SHISA6: variants seen among roughly 807,000 people sequenced by gnomAD.
SHISA6 encodes shisa family member 6, also known as protein shisa-6.
SHISA6 carries 22 observed loss-of-function variants against 47.9 expected under a neutral mutation model. That is an observed-to-expected ratio of 0.46 (90% confidence interval 0.33 to 0.66). The LOEUF (loss-of-function observed/expected upper bound fraction) is 0.66. Among genes scored for constraint, SHISA6 ranks in the 30% least tolerant of loss-of-function variants. The pLI is 0.02. For missense variants in SHISA6, 680 were observed against 764.6 expected (o/e 0.89, Z 1.30); for synonymous variants, 388 against 337.8 (o/e 1.15, Z -1.63).
At chr17:11,406,717 A>G (rs1913974152) in intron 3 of SHISA6, among the ~76,000 whole-genome samples, 1 of 152,158 alleles carries the variant, frequency 6.6e-6, no homozygotes, top group Non-Finnish European at 1.5e-5. Context: ...CATTTTATTG[A>G]ATTAATCAAT....
At chr17:11,311,731 T>C (rs1910347187) in intron 2 of SHISA6, among the ~76,000 whole-genome samples, 1 of 152,212 alleles carries the variant, frequency 6.6e-6, no homozygotes, top group African/African-American at 2.4e-5. Context: ...TTCTTTCTTA[T>C]TGCTAGAGAT....
At chr17:11,364,693 T>C (rs1317831784) in intron 2 of SHISA6, among the ~76,000 whole-genome samples, 1 of 152,228 alleles carries the variant, frequency 6.6e-6, no homozygotes, top group Non-Finnish European at 1.5e-5. Flanking sequence ...CGGACATATA[T>C]TCATTTCTCC....
intron 3 of SHISA6, among the ~76,000 whole-genome samples, chr17:11,398,542 A>G (rs986207566): frequency 7.2e-5 from 11 of 151,840 alleles, no homozygotes; most frequent in African/African-American, 2.4e-4. Flanking sequence ...CAGTATTTTC[A>G]TACTTAGGAT....
At chr17:11,355,192 A>G (rs1912040375) in intron 2 of SHISA6, among the ~76,000 whole-genome samples, 1 of 152,210 alleles carries the variant, frequency 6.6e-6, no homozygotes, top group South Asian at 2.1e-4. Context: ...CCAATGGGCT[A>G]TTTGCAGGTC....
chr17:11,280,380 G>A (rs1410880963), intron 2 of SHISA6, among the ~76,000 whole-genome samples: 1 of 152,140 alleles, frequency 6.6e-6, no homozygotes, highest in Non-Finnish European at 1.5e-5. Context: ...ATATGTACAA[G>A]ACTGATTATG....
intron 3 of SHISA6, among the ~76,000 whole-genome samples, chr17:11,532,018 G>A (rs930423933): frequency 7.9e-5 from 12 of 152,086 alleles, no homozygotes; most frequent in African/African-American, 2.7e-4. Flanking sequence ...TGAAATCCAC[G>A]CAGAGGAAAT....
chr17:11,488,575 T>G (rs999864952), intron 3 of SHISA6, among the ~76,000 whole-genome samples: 1 of 152,252 alleles, frequency 6.6e-6, no homozygotes, highest in African/African-American at 2.4e-5. Context: ...CAGGCATGGT[T>G]AGATCCAGGT....
chr17:11,473,945 C>T (rs2321891), intron 3 of SHISA6, among the ~76,000 whole-genome samples: 87,460 of 151,654 alleles, frequency 0.58, 26,630 homozygotes, highest in African/African-American at 0.79. Context: ...TGTGTGTTGT[C>T]CCCCTCCCTT....
chr17:11,247,227 A>AT (rs1907626156), intron 1 of SHISA6, among the ~76,000 whole-genome samples: 1 of 152,224 alleles, frequency 6.6e-6, no homozygotes, highest in African/African-American at 2.4e-5. Context: ...AAAGAGGCTA[A>AT]TTCACTAGCT....
chr17:11,402,160 G>A (rs757516741), intron 3 of SHISA6, among the ~76,000 whole-genome samples: 11 of 152,134 alleles, frequency 7.2e-5, no homozygotes, highest in African/African-American at 2.4e-4. Context: ...ATGGCCCCTA[G>A]CTCCACCATT....
intron 2 of SHISA6, among the ~76,000 whole-genome samples, chr17:11,313,975 T>C (rs1910421204): frequency 1.3e-5 from 2 of 152,118 alleles, no homozygotes; most frequent in African/African-American, 4.8e-5. Flanking sequence ...GAATAGATTA[T>C]AGAGAGGCAA....
chr17:11,439,788 G>A (rs1915049891), intron 3 of SHISA6, among the ~76,000 whole-genome samples: 1 of 152,152 alleles, frequency 6.6e-6, no homozygotes, highest in Non-Finnish European at 1.5e-5. Context: ...ATGCAACTCT[G>A]CCTCTTCCTG....
chr17:11,557,942 G>T lies in SHISA6; in HGVS notation c.1294G>T (p.Glu432Ter). The change falls in exon 6 of 6, where the codon GAG becomes TAG. Residue 432 changes from glutamate to a stop codon, truncating the protein, a stop_gained. Coordinates refer to ENST00000441885, the MANE Select transcript of SHISA6 (RefSeq NM_207386.4). LOFTEE classifies it high-confidence loss of function. ...GTCCCCGGATCGGGGCCTGCCAGAT[G>T]AGTTCAGCATGCCCTACGACCGCAT... ...VLSPDRGLPD[E>*]FSMPYDRILS... is the part of the protein sequence containing the mutation. 6.4e-7 allele frequency: 1 copy of T among 1,551,592 alleles called. No individual in the cohort carries two copies.
chr17:11,362,709 T>C lies in SHISA6; in HGVS notation c.800-16705T>C, dbSNP rs532996081. On this transcript the variant is annotated intron_variant, in intron 2 of 5. Coordinates refer to ENST00000441885, the MANE Select transcript of SHISA6 (RefSeq NM_207386.4). ...AATTAATACATCTTATGTAAGACTG[T>C]TTTAAGTGTTCAATTAAATGAGATT... 1.6e-3 allele frequency among the ~76,000 whole-genome samples: 251 copies of C among 152,290 alleles called. 2 individuals are homozygous for C. The highest frequency in any genetic ancestry group is 5.8e-3 in the African/African-American group (239 of 41,558).
intron 2 of SHISA6, among the ~76,000 whole-genome samples, chr17:11,370,523 A>T (rs1176156634): frequency 6.6e-6 from 1 of 152,202 alleles, no homozygotes; most frequent in African/African-American, 2.4e-5. Flanking sequence ...AGTTGAATCG[A>T]AAGAGGTTCG....
intron 3 of SHISA6, among the ~76,000 whole-genome samples, chr17:11,427,168 C>T (rs1488970371): frequency 1.3e-5 from 2 of 152,106 alleles, no homozygotes; most frequent in African/African-American, 4.8e-5. Flanking sequence ...GAGTCTTGCT[C>T]TGTTGCCCAG....
At chr17:11,318,767 T>C (rs1910607496) in intron 2 of SHISA6, among the ~76,000 whole-genome samples, 1 of 152,222 alleles carries the variant, frequency 6.6e-6, no homozygotes, top group Non-Finnish European at 1.5e-5. Context: ...AATGCTTGAA[T>C]TTTTGGAGGA....
chr17:11,519,247 C>T (rs1368421786), intron 3 of SHISA6, among the ~76,000 whole-genome samples: 3 of 152,156 alleles, frequency 2.0e-5, no homozygotes, highest in Non-Finnish European at 2.9e-5. Flanking sequence ...CCCCAGCATC[C>T]GTCAGCAGAC....
intron 3 of SHISA6, among the ~76,000 whole-genome samples, chr17:11,435,893 G>A (rs62062076): frequency 6.6e-6 from 1 of 152,292 alleles, no homozygotes; most frequent in East Asian, 1.9e-4. Flanking sequence ...CTGATGGATG[G>A]CTTTCTTTTT....
Sources: gnomAD v4.1 joint callset for allele counts (sites outside exome capture counted in the v4.1 genomes callset) on GRCh38, gnomAD v4.1.1 for gene constraint, MANE v1.5 for transcripts, NCBI Gene and HGNC (gene_info 2026-07-23, HGNC 2026-07-21) for gene names.